PKNOX2: variants seen among roughly 807,000 people sequenced by gnomAD.
The protein encoded by PKNOX2 is PBX/knotted 1 homeobox 2.
PKNOX2 carries 14 observed loss-of-function variants against 53.1 expected under a neutral mutation model. That is an observed-to-expected ratio of 0.26 (90% CI 0.17 to 0.41). The LOEUF (loss-of-function observed/expected upper bound fraction) is 0.41, where lower values mean the gene tolerates loss of function less well. PKNOX2 is among the 10% of genes least tolerant of loss of function. The pLI is 1.00. For synonymous variants in PKNOX2, 257 were observed against 242.8 expected (o/e 1.06, Z -0.54); for missense variants, 496 against 602.8 (o/e 0.82, Z 1.85).
intron 1 of PKNOX2, among the ~76,000 whole-genome samples, chr11:125,225,455 T>C (rs1941605121): frequency 6.6e-6 from 1 of 152,210 alleles, no homozygotes. Context: ...TTTCTTCAAA[T>C]GTGAAATGAG....
chr11:125,385,693 T>A lies in PKNOX2; in HGVS notation c.370T>A (p.Phe124Ile), dbSNP rs1485680882. ...HQQEQEHKPF[F>I]SDDPELDNLM... ...GCAGGAACAGGAGCACAAACCCTTC[T>A]TCAGCGATGACCCAGAACTGGACAA... The change falls in exon 6 of 13, where the codon TTC becomes ATC. Residue 124 changes from phenylalanine to isoleucine, a missense_variant. Physicochemically the swap from Phe to Ile is conservative, Grantham distance 21. Around this residue, in one of 5 missense-constraint regions of PKNOX2, gnomAD observed 168 missense variants for 178.4 expected, o/e 0.94. Coordinates refer to ENST00000298282, the MANE Select transcript of PKNOX2 (RefSeq NM_001382323.2). 3.1e-6 allele frequency: 5 copies of A among 1,613,574 alleles called. No individual in the cohort carries two copies. In the African/African-American group the frequency reaches 6.7e-5, roughly 22 times the overall value.
intron 4 of PKNOX2, among the ~76,000 whole-genome samples, chr11:125,357,898 C>T (rs974919348): frequency 2.6e-5 from 4 of 152,280 alleles, no homozygotes; most frequent in East Asian, 3.9e-4. Flanking sequence ...CTTATCCATT[C>T]GATAAACATT....
At chr11:125,360,039 G>A (rs903921169) in intron 4 of PKNOX2, among the ~76,000 whole-genome samples, 13 of 152,110 alleles carry the variant, frequency 8.5e-5, no homozygotes, top group African/African-American at 1.4e-4. Flanking sequence ...CCAGCTATAC[G>A]GGAGGCTGAA....
chr11:125,231,074 T>A (rs1043172536), intron 1 of PKNOX2, among the ~76,000 whole-genome samples: 1 of 152,312 alleles, frequency 6.6e-6, no homozygotes, highest in South Asian at 2.1e-4. Flanking sequence ...ACTTTGCAGA[T>A]GAGGAAACTG....
rs1479582690 is a variant in PKNOX2, at chr11:125,184,153, C to T, written c.-201+19377C>T. 2.0e-5 allele frequency: 3 copies of T among 152,184 alleles called. No individual in the cohort carries two copies. In the East Asian group the frequency reaches 5.8e-4, roughly 29 times the overall value. The allele number at this position is 152,184 out of a possible 1,614,324, so 9.4% of individuals were successfully genotyped here. On this transcript the variant is annotated intron_variant, in intron 1 of 12. Coordinates refer to ENST00000298282, the MANE Select transcript of PKNOX2 (RefSeq NM_001382323.2). ...TACATCACAATACCTGAGGGCGGGTCATCACAAGAGATGTTACAGGACAGA... is the reference window on the plus strand; with the variant it reads ...TACATCACAATACCTGAGGGCGGGTTATCACAAGAGATGTTACAGGACAGA...
chr11:125,201,175 C>A (rs1479600872), intron 1 of PKNOX2, among the ~76,000 whole-genome samples: 1 of 152,130 alleles, frequency 6.6e-6, no homozygotes, highest in African/African-American at 2.4e-5. Flanking sequence ...ACCCAGATTG[C>A]TGCTTGGTTA....
rs142224251 is a variant in PKNOX2 at position 125,206,796 on chromosome 11, A to G, written c.-200-28249A>G. Among the ~76,000 whole-genome samples the G allele has an allele frequency of 2.1e-3, 327 of 152,198 alleles. 2 individuals are homozygous for G. Among genetic ancestry groups the G allele is most frequent in the African/African-American group, 7.3e-3 (304 of 41,560 alleles). On this transcript the variant is annotated intron_variant, in intron 1 of 12. Coordinates refer to ENST00000298282, the MANE Select transcript of PKNOX2 (RefSeq NM_001382323.2). ...CAGCGCTCAGTAAACTGCAGCCAGC[A>G]TTAGCATGAAGGGATTTCAGGTGAG...
intron 4 of PKNOX2, among the ~76,000 whole-genome samples, chr11:125,360,046 T>C (rs1460991715): frequency 6.6e-6 from 1 of 150,600 alleles, no homozygotes; most frequent in Non-Finnish European, 1.5e-5. Flanking sequence ...TACGGGAGGC[T>C]GAAGCAGGAG....
chr11:125,302,693 C>T (rs187544930), intron 2 of PKNOX2, among the ~76,000 whole-genome samples: 12 of 152,314 alleles, frequency 7.9e-5, no homozygotes, highest in South Asian at 6.2e-4. Flanking sequence ...CCATACCTAA[C>T]GGGAAAGCAG....
intron 11 of PKNOX2, 129 bp downstream of exon 11, chr11:125,429,217 G>A: frequency 1.1e-6 from 1 of 882,090 alleles, no homozygotes; most frequent in Non-Finnish European, 1.8e-6. Flanking sequence ...TACCATGCCA[G>A]TCCCCCCATT....
intron 5 of PKNOX2, among the ~76,000 whole-genome samples, chr11:125,373,944 C>A (rs912767880): frequency 6.6e-6 from 1 of 152,112 alleles, no homozygotes; most frequent in Non-Finnish European, 1.5e-5. Flanking sequence ...ATGACAGCCA[C>A]GCTACCAATC....
intron 2 of PKNOX2, among the ~76,000 whole-genome samples, chr11:125,312,669 G>C (rs1948888894): frequency 6.6e-6 from 1 of 152,196 alleles, no homozygotes; most frequent in Non-Finnish European, 1.5e-5. Context: ...TGAGCACAGA[G>C]ACAAAACCAC....
At position 125,413,278 on chromosome 11, in the gene PKNOX2, G is replaced by A. The variant is rs560776475; in HGVS notation, c.936+1413G>A. The stretch of plus-strand genomic sequence containing the variant: ...CCTAGGTGATGAGGCCAGAGGCCCC[G>A]CAGCAGGTCCAGCCTCAGGCCTCTA... On this transcript the variant is annotated intron_variant, in intron 10 of 12. Coordinates refer to ENST00000298282, the MANE Select transcript of PKNOX2 (RefSeq NM_001382323.2). Among the ~76,000 whole-genome samples, 864 of 152,324 alleles carry A rather than the reference G, an allele frequency of 5.7e-3. 7 individuals carry two copies. The highest frequency in any genetic ancestry group is 0.01 in the Non-Finnish European group (690 of 68,024).
chr11:125,295,809 G>A (rs754700403), intron 2 of PKNOX2, among the ~76,000 whole-genome samples: 1 of 152,172 alleles, frequency 6.6e-6, no homozygotes, highest in African/African-American at 2.4e-5. Context: ...TTCGGCATCT[G>A]CTGGTCTATT....
chr11:125,244,389 C>T (rs1943403540), intron 2 of PKNOX2, among the ~76,000 whole-genome samples: 1 of 152,166 alleles, frequency 6.6e-6, no homozygotes, highest in Non-Finnish European at 1.5e-5. Flanking sequence ...CCTGGGGATG[C>T]AGACGCTGCC....
Position 125,410,831 on chromosome 11 carries a change from C to T in PKNOX2, c.771C>T (p.Val257=), listed in dbSNP as rs763428135. ...TGGTAACCTCCCAGGGTCAGGTGGT[C>T]ACCCAAGCAATCCCCCAGGGAGCCA... ...VTMVTSQGQV[V]TQAIPQGAIQ... The change falls in exon 9 of 13, where the codon GTC becomes GTT. Residue 257 remains valine (V), a synonymous_variant. Transcript: ENST00000298282. 1.2e-6 allele frequency: 2 copies of T among 1,614,080 alleles called. No individual in the cohort carries two copies. Among genetic ancestry groups the T allele is most frequent in the Non-Finnish European group, 1.7e-6 (2 of 1,179,988 alleles).
At chr11:125,349,009 C>T (rs945857407) in intron 3 of PKNOX2, among the ~76,000 whole-genome samples, 4 of 152,108 alleles carry the variant, frequency 2.6e-5, no homozygotes, top group Non-Finnish European at 4.4e-5. Context: ...CATCTGTGAT[C>T]GATGCTCCCG....
intron 1 of PKNOX2, among the ~76,000 whole-genome samples, chr11:125,217,508 T>C (rs1342094265): frequency 6.6e-6 from 1 of 152,206 alleles, no homozygotes; most frequent in Non-Finnish European, 1.5e-5. Context: ...AATACTTCCT[T>C]GCAGAGTTGT....
intron 2 of PKNOX2, among the ~76,000 whole-genome samples, chr11:125,279,874 A>G (rs1946430180): frequency 6.6e-6 from 1 of 152,224 alleles, no homozygotes; most frequent in Admixed American, 6.5e-5. Context: ...TGACTAAATC[A>G]AACAATGCGG....
Sources: gnomAD v4.1 joint callset for allele counts (sites outside exome capture counted in the v4.1 genomes callset) on GRCh38, gnomAD v4.1.1 for gene constraint, gnomAD v4.1.1 regional missense constraint, MANE v1.5 for transcripts, NCBI Gene and HGNC (gene_info 2026-07-23, HGNC 2026-07-21) for gene names.